Variants in LRRC4C observed in about 807,000 individuals in gnomAD.
LRRC4C encodes the protein leucine-rich repeat-containing protein 4C.
LRRC4C carries 5 observed loss-of-function variants against 33.6 expected under a neutral mutation model. That is an observed-to-expected ratio of 0.15 (90% CI 0.08 to 0.31). The LOEUF (loss-of-function observed/expected upper bound fraction) is 0.31, where lower values mean the gene tolerates loss of function less well. LRRC4C is among the 10% of genes least tolerant of loss of function. The pLI is 1.00. For synonymous variants in LRRC4C, 329 were observed against 302.0 expected (o/e 1.09, Z -0.93); for missense variants, 560 against 796.7 (o/e 0.70, Z 3.58).
At chr11:40,241,404 A>C (rs913152109) in intron 5 of LRRC4C, 115 bp downstream of exon 5, 1 of 152,182 alleles carries the variant, frequency 6.6e-6, no homozygotes, top group Non-Finnish European at 1.5e-5. Context: ...AAATAAATAA[A>C]TAAATAACAG....
chr11:41,136,433 G>C (rs955401868), intron 1 of LRRC4C, among the ~76,000 whole-genome samples: 1 of 152,100 alleles, frequency 6.6e-6, no homozygotes, highest in South Asian at 2.1e-4. Flanking sequence ...AATACAACTA[G>C]AGGGATAAAG....
At chr11:40,502,138 G>A (rs1382099982) in intron 3 of LRRC4C, among the ~76,000 whole-genome samples, 1 of 152,068 alleles carries the variant, frequency 6.6e-6, no homozygotes, top group African/African-American at 2.4e-5. Flanking sequence ...ATCTCCATCT[G>A]AGACCACCTC....
chr11:40,161,893 AG>A (rs1470002395), intron 5 of LRRC4C, among the ~76,000 whole-genome samples: 20 of 152,296 alleles, frequency 1.3e-4, no homozygotes, highest in African/African-American at 4.6e-4. Context: ...GTAGTTGAGA[AG>A]GGGTAACGTC....
rs1449954095 is a variant in LRRC4C, at chr11:41,027,736, T to C, written c.-495-94013A>G. Among the ~76,000 whole-genome samples the C allele has an allele frequency of 2.0e-5, 3 of 151,668 alleles. No homozygotes were observed. In the East Asian group the frequency reaches 5.8e-4, roughly 29 times the overall value. On this transcript the variant is annotated intron_variant, in intron 1 of 6. Transcript: ENST00000528697. ...GAGTAATAGAATATTGATAACCCAA[T>C]GTGAATATTGTTGAGGGCCATGGAG...
Position 40,382,970 on chromosome 11 carries a change from G to A in LRRC4C, c.-269-63249C>T, listed in dbSNP as rs550037516. Among the ~76,000 whole-genome samples the A allele has an allele frequency of 2.0e-5, 3 of 152,144 alleles. No individual in the cohort carries two copies. In the East Asian group the frequency reaches 5.8e-4, roughly 30 times the overall value. On this transcript the variant is annotated intron_variant, in intron 3 of 6. Transcript: ENST00000528697. ...GGCCTCCCAAAGTACTGGGATTACA[G>A]GCGTGAGCCACCGCTCCCGGCCAAC...
intron 1 of LRRC4C, among the ~76,000 whole-genome samples, chr11:41,145,415 A>G (rs1312078769): frequency 7.2e-6 from 1 of 139,046 alleles, no homozygotes; most frequent in East Asian, 2.0e-4. Context: ...TATTTCAAGA[A>G]TTGGCAAACT....
chr11:40,130,154 AAATGTATAAC>A (rs1463186491), intron 6 of LRRC4C, among the ~76,000 whole-genome samples: 1 of 152,150 alleles, frequency 6.6e-6, no homozygotes, highest in Non-Finnish European at 1.5e-5. Flanking sequence ...TGCTTTAGTG[AAATGTATAAC>A]CAGAGAAAAA....
At chr11:40,776,285 T>G (rs1256716305) in intron 2 of LRRC4C, among the ~76,000 whole-genome samples, 1 of 146,494 alleles carries the variant, frequency 6.8e-6, no homozygotes, top group Admixed American at 6.8e-5. Flanking sequence ...TTTTTTTTTT[T>G]GAATATTTTC....
chr11:40,758,526 G>T (rs552858406), intron 2 of LRRC4C, among the ~76,000 whole-genome samples: 3 of 152,006 alleles, frequency 2.0e-5, no homozygotes, highest in Non-Finnish European at 4.4e-5. Flanking sequence ...TTTGTTTCCG[G>T]TTTTTGTGTG....
intron 1 of LRRC4C, among the ~76,000 whole-genome samples, chr11:41,288,666 A>C (rs753292211): frequency 6.6e-6 from 1 of 152,160 alleles, no homozygotes; most frequent in Non-Finnish European, 1.5e-5. Context: ...TTATATCACA[A>C]ATTTACATGT....
intron 2 of LRRC4C, among the ~76,000 whole-genome samples, chr11:40,905,386 A>G (rs1292963405): frequency 6.6e-6 from 1 of 151,834 alleles, no homozygotes; most frequent in Non-Finnish European, 1.5e-5. Flanking sequence ...GCTCACATAT[A>G]GAAGGCAGGA....
intron 2 of LRRC4C, among the ~76,000 whole-genome samples, chr11:40,834,887 GACA>G: frequency 1.3e-5 from 1 of 75,902 alleles, no homozygotes; most frequent in African/African-American, 3.5e-5. Flanking sequence ...AAGACAGGCA[GACA>G]GACAGACAGA....
intron 2 of LRRC4C, among the ~76,000 whole-genome samples, chr11:40,776,356 G>A (rs1591689492): frequency 6.6e-6 from 1 of 151,464 alleles, no homozygotes; most frequent in Middle Eastern, 3.4e-3. Context: ...GAATCCATCT[G>A]GTCTAGGGAT....
intron 1 of LRRC4C, among the ~76,000 whole-genome samples, chr11:40,943,233 C>A (rs534336338): frequency 1.3e-5 from 2 of 152,252 alleles, no homozygotes; most frequent in Admixed American, 6.5e-5. Flanking sequence ...ACACTTACAA[C>A]GTTTTGTTCT....
chr11:41,017,017 A>AT (rs1364500484), intron 1 of LRRC4C, among the ~76,000 whole-genome samples: 1 of 152,052 alleles, frequency 6.6e-6, no homozygotes, highest in African/African-American at 2.4e-5. Context: ...AAGTATTTTT[A>AT]TTTTTTTCTC....
At chr11:40,818,111 G>T (rs956506810) in intron 2 of LRRC4C, among the ~76,000 whole-genome samples, 6 of 152,012 alleles carry the variant, frequency 3.9e-5, no homozygotes, top group African/African-American at 1.4e-4. Flanking sequence ...TATAAAATAA[G>T]GTTTCTTCTC....
intron 1 of LRRC4C, among the ~76,000 whole-genome samples, chr11:40,957,007 T>C (rs1426402099): frequency 6.6e-6 from 1 of 151,738 alleles, no homozygotes; most frequent in Non-Finnish European, 1.5e-5. Context: ...TAGTAAAGAT[T>C]TGAAAATTCT....
chr11:40,615,766 C>T (rs951428222), intron 3 of LRRC4C, among the ~76,000 whole-genome samples: 2 of 151,652 alleles, frequency 1.3e-5, no homozygotes, highest in East Asian at 1.9e-4. Context: ...CCCTCTTAAC[C>T]TTAAAATTTG....
chr11:41,238,288 G>C (rs1408837683), intron 1 of LRRC4C, among the ~76,000 whole-genome samples: 1 of 152,150 alleles, frequency 6.6e-6, no homozygotes, highest in African/African-American at 2.4e-5. Context: ...TAACCAGAGA[G>C]TAGAAACATC....
Sources: gnomAD v4.1 joint callset for allele counts (sites outside exome capture counted in the v4.1 genomes callset) on GRCh38, gnomAD v4.1.1 for gene constraint, MANE v1.5 for transcripts, NCBI Gene and HGNC (gene_info 2026-07-23, HGNC 2026-07-21) for gene names.